The following SYTL3 variants were observed in gnomAD, a reference collection of about 807,000 sequenced individuals.
The protein encoded by SYTL3 is synaptotagmin like 3.
A neutral mutation model predicts 82.1 loss-of-function variants in SYTL3; 88 were observed. The observed-to-expected ratio is 1.07, with a 90% CI of 0.90 to 1.28. The LOEUF (loss-of-function observed/expected upper bound fraction) is 1.28. SYTL3 is among the 50% of genes most tolerant of loss of function. The pLI is 0.00. For synonymous variants in SYTL3, 311 were observed against 289.4 expected, an observed-to-expected ratio of 1.07 and a Z score of -0.76; for missense variants, 831 against 757.6, an observed-to-expected ratio of 1.10 and a Z score of -1.14.
chr6:158,666,738 G>T (rs1218650360), intron 5 of SYTL3, among the ~76,000 whole-genome samples: 1 of 152,208 alleles, frequency 6.6e-6, no homozygotes, highest in Non-Finnish European at 1.5e-5. Flanking sequence ...TAAATCCGGA[G>T]GGCTGTGTTT....
intron 5 of SYTL3, among the ~76,000 whole-genome samples, chr6:158,674,111 A>ATAG (rs1777743306): frequency 7.4e-6 from 1 of 135,124 alleles, no homozygotes; most frequent in Non-Finnish European, 1.6e-5. Context: ...AATAATAATA[A>ATAG]TAATAATAAT....
In SYTL3 at chr6:158,693,855, C is replaced by CTTTTCTTTTCT. The variant is rs71030191; in HGVS notation, c.394+10870_394+10871insCTTTTCTTTTT. 2.0e-3 allele frequency among the ~76,000 whole-genome samples: 194 copies of CTTTTCTTTTCT among 96,860 alleles called. 24 individuals carry two copies. Among genetic ancestry groups the CTTTTCTTTTCT allele is most frequent in the Middle Eastern group, 0.011 (2 of 178 alleles). 63.5% of individuals were successfully genotyped at this position (96,860 alleles called of 152,430 possible). ...TGCATCCAGCCTTTCTTTTTCTTTT[C>CTTTTCTTTTCT]TTTTTTTTTTTTTTTTTTGTAGATA... On this transcript the variant is annotated intron_variant, in intron 6 of 17. Coordinates refer to ENST00000611299, the MANE Select transcript of SYTL3 (RefSeq NM_001242394.2).
intron 11 of SYTL3, among the ~76,000 whole-genome samples, chr6:158,738,303 C>A (rs1786476113): frequency 6.6e-6 from 1 of 152,126 alleles, no homozygotes; most frequent in South Asian, 2.1e-4. Flanking sequence ...TTCAAACCTG[C>A]TCTTCCTCCT....
intron 6 of SYTL3, among the ~76,000 whole-genome samples, chr6:158,686,779 G>A (rs542753503): frequency 1.2e-4 from 18 of 152,316 alleles, no homozygotes; most frequent in African/African-American, 4.3e-4. Context: ...AGAGAACAGA[G>A]CTAGCAGCTG....
chr6:158,704,754 A>T (rs1781794201), intron 6 of SYTL3, among the ~76,000 whole-genome samples: 1 of 152,284 alleles, frequency 6.6e-6, no homozygotes, highest in Admixed American at 6.5e-5. Context: ...AGATTCTCTA[A>T]GAGGGATGTG....
chr6:158,717,785 G>A (rs912405538), intron 9 of SYTL3, among the ~76,000 whole-genome samples: 10 of 152,102 alleles, frequency 6.6e-5, no homozygotes, highest in Non-Finnish European at 1.3e-4. Flanking sequence ...GACCTGGAAC[G>A]CAGAGGAGCT....
intron 16 of SYTL3, 55 bp from the exon 17 acceptor site, chr6:158,763,249 A>G (rs1396427809): frequency 5.2e-6 from 8 of 1,543,040 alleles, no homozygotes; most frequent in Non-Finnish European, 7.2e-6. Context: ...CACAGGCCTC[A>G]GGAGAGAAGG....
intron 6 of SYTL3, among the ~76,000 whole-genome samples, chr6:158,699,663 T>C (rs933411988): frequency 5.9e-5 from 9 of 152,018 alleles, no homozygotes; most frequent in African/African-American, 1.9e-4. Context: ...TTTTTAAAAA[T>C]TGGGCCAGGT....
chr6:158,687,732 C>T (rs368381801), intron 6 of SYTL3, among the ~76,000 whole-genome samples: 13 of 138,220 alleles, frequency 9.4e-5, no homozygotes, highest in African/African-American at 1.4e-4. Context: ...TCACTTCCAA[C>T]GTAGCAGCTC....
Position 158,707,236 on chromosome 6 carries a change from A to T in SYTL3, c.401A>T (p.His134Leu). The T allele has an allele frequency of 6.2e-7, 1 of 1,613,984 alleles. No homozygotes were observed. The highest frequency in any genetic ancestry group is 8.5e-7 in the Non-Finnish European group (1 of 1,180,038). ...CTATGGATATCTCTCGCAGGCAAAC[A>T]TGAGACAGTTGGAGGGCAGCTCTTG... ...RAKKFPTGGK[H>L]ETVGGQLLQS... The change falls in exon 7 of 18, where the codon CAT becomes CTT. Residue 134 changes from histidine to leucine, a missense_variant. Coordinates refer to ENST00000611299, the MANE Select transcript of SYTL3 (RefSeq NM_001242394.2).
intron 2 of SYTL3, among the ~76,000 whole-genome samples, chr6:158,660,999 G>A (rs1789318188): frequency 6.6e-6 from 1 of 152,214 alleles, no homozygotes; most frequent in Non-Finnish European, 1.5e-5. Flanking sequence ...AGGCTGCAGT[G>A]AGCCATGATG....
At chr6:158,724,940 G>T (rs1457831210) in intron 10 of SYTL3, among the ~76,000 whole-genome samples, 1 of 152,154 alleles carries the variant, frequency 6.6e-6, no homozygotes, top group Admixed American at 6.5e-5. Context: ...GCTTGAACCC[G>T]AGAGATGGAG....
At chr6:158,720,934 G>T (rs111910640) in intron 10 of SYTL3, among the ~76,000 whole-genome samples, 1 of 152,182 alleles carries the variant, frequency 6.6e-6, no homozygotes, top group Non-Finnish European at 1.5e-5. Context: ...GGCTTGTGGC[G>T]TTCTGCATGA....
At chr6:158,697,264 C>T (rs1175084241) in intron 6 of SYTL3, among the ~76,000 whole-genome samples, 1 of 142,944 alleles carries the variant, frequency 7.0e-6, no homozygotes, top group Non-Finnish European at 1.5e-5. Context: ...CATGGTGAAA[C>T]CCCATCTCTA....
chr6:158,678,236 C>CTGGG (rs1778282765), intron 5 of SYTL3, among the ~76,000 whole-genome samples: 1 of 152,192 alleles, frequency 6.6e-6, no homozygotes, highest in African/African-American at 2.4e-5. Context: ...CTCCTTGCCA[C>CTGGG]TGGGGTACTG....
intron 14 of SYTL3, 132 bp downstream of exon 14, chr6:158,757,513 G>C (rs1332653728): frequency 3.0e-6 from 3 of 995,228 alleles, no homozygotes; most frequent in Non-Finnish European, 4.4e-6. Context: ...CCGGCCTGGC[G>C]CTGTGACTTT....
chr6:158,671,533 G>A (rs565665676), intron 5 of SYTL3, among the ~76,000 whole-genome samples: 2 of 152,154 alleles, frequency 1.3e-5, no homozygotes, highest in South Asian at 4.1e-4. Context: ...GGGAGGCTGA[G>A]GCGGGTAGAT....
At position 158,733,533 on chromosome 6, in the gene SYTL3, T is replaced by C. The variant is rs1408492097; in HGVS notation, c.855+7896T>C. Among the ~76,000 whole-genome samples the C allele has an allele frequency of 2.0e-5, 3 of 151,988 alleles. No individual in the cohort carries two copies. In the East Asian group the frequency reaches 5.9e-4, roughly 30 times the overall value. The stretch of plus-strand genomic sequence containing the variant: ...CAGTAGAGACAGGGTTTCACTGTGT[T>C]AGCCAGGATGGTCTTGATCTCCTGA... On this transcript the variant is annotated intron_variant, in intron 11 of 17. Coordinates refer to ENST00000611299, the MANE Select transcript of SYTL3 (RefSeq NM_001242394.2).
chr6:158,757,492 C>T (rs1583501989), intron 14 of SYTL3, 111 bp downstream of exon 14: 2 of 1,215,186 alleles, frequency 1.6e-6, no homozygotes, highest in Non-Finnish European at 1.2e-6. Context: ...GGACCCAAGA[C>T]TGTGTGTTCG....
Sources: allele counts gnomAD v4.1 joint callset (sites outside exome capture counted in the v4.1 genomes callset), GRCh38; gene constraint gnomAD v4.1.1; transcripts MANE v1.5; gene names NCBI Gene and HGNC (gene_info 2026-07-23, HGNC 2026-07-21).